TNR: variants seen among roughly 807,000 people sequenced by gnomAD.
TNR encodes the protein tenascin-R.
A neutral mutation model predicts 150.4 loss-of-function variants in TNR; 45 were observed. The observed-to-expected ratio is 0.30, with a 90% CI of 0.24 to 0.38. The LOEUF (loss-of-function observed/expected upper bound fraction) is 0.38. TNR is among the 10% of genes least tolerant of loss of function. The pLI is 1.00. For missense variants in TNR, 1,544 were observed against 1,759.1 expected, an observed-to-expected ratio of 0.88 and a Z score of 2.19; for synonymous variants, 687 against 678.4, an observed-to-expected ratio of 1.01 and a Z score of -0.20.
At chr1:175,564,998 C>T (rs1044238317) in intron 1 of TNR, among the ~76,000 whole-genome samples, 1 of 152,188 alleles carries the variant, frequency 6.6e-6, no homozygotes, top group East Asian at 1.9e-4. Context: ...CAGGAATGCC[C>T]AAGGGACTGC....
chr1:175,554,464 A>G (rs1340833306), intron 1 of TNR, among the ~76,000 whole-genome samples: 2 of 152,020 alleles, frequency 1.3e-5, no homozygotes, highest in Admixed American at 6.6e-5. Context: ...TTGTGAGTGT[A>G]TATTTTCTCA....
Position 175,377,285 on chromosome 1 carries a change from G to A in TNR, c.1963+2267C>T, listed in dbSNP as rs116368073. Among the ~76,000 whole-genome samples the A allele has an allele frequency of 6.8e-3, 1,039 of 152,220 alleles. 11 individuals are homozygous for A. Among genetic ancestry groups the A allele is most frequent in the African/African-American group, 0.024 (1,012 of 41,516 alleles). ...TCGGATCTTCTTTTTTCCCGGTAGAGGGAAATAATAACTAGGACGTGGGGT... is the reference window on the plus strand; with the variant it reads ...TCGGATCTTCTTTTTTCCCGGTAGAAGGAAATAATAACTAGGACGTGGGGT... On this transcript the variant is annotated intron_variant, in intron 9 of 22. Transcript: ENST00000367674.
At chr1:175,341,980 G>A (rs1047388382) in intron 18 of TNR, among the ~76,000 whole-genome samples, 1 of 152,226 alleles carries the variant, frequency 6.6e-6, no homozygotes, top group Non-Finnish European at 1.5e-5. Context: ...CCCACATGGG[G>A]TGAGCCACTT....
At chr1:175,410,831 T>C (rs1171110058) in intron 2 of TNR, among the ~76,000 whole-genome samples, 1 of 152,218 alleles carries the variant, frequency 6.6e-6, no homozygotes, top group Non-Finnish European at 1.5e-5. Flanking sequence ...ACAGTGGACA[T>C]GTCATGTGAG....
chr1:175,614,239 GA>G (rs1244606512), intron 1 of TNR, among the ~76,000 whole-genome samples: 3 of 152,198 alleles, frequency 2.0e-5, no homozygotes, highest in African/African-American at 7.2e-5. Context: ...GAGGTGTGGG[GA>G]AAAGATTATG....
chr1:175,664,027 GA>G (rs1475639153), intron 1 of TNR, among the ~76,000 whole-genome samples: 2 of 152,218 alleles, frequency 1.3e-5, no homozygotes, highest in East Asian at 3.8e-4. Flanking sequence ...GGTGGCATGT[GA>G]ACAGAGTCTG....
intron 1 of TNR, among the ~76,000 whole-genome samples, chr1:175,703,602 TCAGAA>T (rs1666762663): frequency 6.6e-6 from 1 of 152,070 alleles, no homozygotes; most frequent in Non-Finnish European, 1.5e-5. Flanking sequence ...ACCAAAGAAA[TCAGAA>T]CAGAAGCATT....
intron 1 of TNR, among the ~76,000 whole-genome samples, chr1:175,685,005 C>CT (rs976752173): frequency 3.9e-5 from 6 of 152,082 alleles, no homozygotes; most frequent in African/African-American, 1.2e-4. Flanking sequence ...TTCCTATTTC[C>CT]TTTTTTTCAT....
At chr1:175,663,982 G>A (rs1196166260) in intron 1 of TNR, among the ~76,000 whole-genome samples, 2 of 152,212 alleles carry the variant, frequency 1.3e-5, no homozygotes, top group African/African-American at 4.8e-5. Context: ...AACTGTCCAA[G>A]TGTGGGTCCC....
intron 1 of TNR, among the ~76,000 whole-genome samples, chr1:175,718,088 A>T (rs1667201800): frequency 1.3e-5 from 2 of 152,228 alleles, no homozygotes. Flanking sequence ...CAGCCATCGA[A>T]TGAGTTAATA....
intron 20 of TNR, among the ~76,000 whole-genome samples, chr1:175,333,097 C>T (rs1650030058): frequency 6.6e-6 from 1 of 152,130 alleles, no homozygotes; most frequent in African/African-American, 2.4e-5. Context: ...ATACCACCAC[C>T]ACTGCCAGCA....
At chr1:175,515,504 G>C (rs376080357) in intron 2 of TNR, among the ~76,000 whole-genome samples, 6 of 152,334 alleles carry the variant, frequency 3.9e-5, no homozygotes, top group African/African-American at 1.2e-4. Flanking sequence ...AGGCATTCTA[G>C]TGCAAGGAAC....
chr1:175,517,284 G>A lies in TNR; in HGVS notation c.-64+10985C>T, dbSNP rs182701507. Reference sequence around the variant, plus strand: ...GGCCTGTGGCTCAGTGCTGCCTATCGCCATAGTGGTATTCTAGGAGTTCTT... The same window carrying A: ...GGCCTGTGGCTCAGTGCTGCCTATCACCATAGTGGTATTCTAGGAGTTCTT... On this transcript the variant is annotated intron_variant, in intron 2 of 22. Transcript: ENST00000367674. Among the ~76,000 whole-genome samples the A allele has an allele frequency of 3.1e-3, 466 of 152,244 alleles. 1 individual carries two copies. The highest frequency in any genetic ancestry group is 0.017 in the Middle Eastern group (5 of 294).
chr1:175,578,705 A>G (rs540482259), intron 1 of TNR, among the ~76,000 whole-genome samples: 1 of 152,338 alleles, frequency 6.6e-6, no homozygotes, highest in South Asian at 2.1e-4. Context: ...CTGAACTAGA[A>G]TTAAAACAAA....
chr1:175,714,500 C>T (rs1571781625), intron 1 of TNR, among the ~76,000 whole-genome samples: 1 of 152,152 alleles, frequency 6.6e-6, no homozygotes, highest in Non-Finnish European at 1.5e-5. Context: ...TATTGACTGG[C>T]CAATCAATTC....
chr1:175,416,165 C>T (rs2861281), intron 2 of TNR, among the ~76,000 whole-genome samples: 1 of 151,910 alleles, frequency 6.6e-6, no homozygotes, highest in Non-Finnish European at 1.5e-5. Context: ...AACACATATA[C>T]AAACACACAG....
At chr1:175,487,962 C>T (rs773929679) in intron 2 of TNR, among the ~76,000 whole-genome samples, 6 of 152,096 alleles carry the variant, frequency 3.9e-5, no homozygotes, top group Non-Finnish European at 5.9e-5. Flanking sequence ...GTGTGGATGG[C>T]TGTGAGTGTG....
intron 1 of TNR, among the ~76,000 whole-genome samples, chr1:175,604,467 G>A (rs868695244): frequency 1.5e-4 from 23 of 152,238 alleles, no homozygotes; most frequent in African/African-American, 4.8e-4. Flanking sequence ...GGGAAGACTC[G>A]GGCCAAGGAA....
chr1:175,737,504 T>C (rs970576279), intron 1 of TNR, among the ~76,000 whole-genome samples: 2 of 151,874 alleles, frequency 1.3e-5, no homozygotes, highest in African/African-American at 4.9e-5. Flanking sequence ...GGAATGTGAA[T>C]TTTTAGGTGG....
Sources: gnomAD v4.1 joint callset for allele counts (sites outside exome capture counted in the v4.1 genomes callset) on GRCh38, gnomAD v4.1.1 for gene constraint, MANE v1.5 for transcripts, NCBI Gene and HGNC (gene_info 2026-07-23, HGNC 2026-07-21) for gene names.